The following KIAA1671 variants were observed in gnomAD, a reference collection of about 807,000 sequenced individuals.
The protein encoded by KIAA1671 is uncharacterized protein KIAA1671.
In KIAA1671, 52 loss-of-function variants were observed where a neutral mutation model predicts 131.2. The ratio of observed to expected loss-of-function variants is 0.40; its 90% CI spans 0.32 to 0.50. KIAA1671 has a LOEUF of 0.50. KIAA1671 is among the 20% of genes least tolerant of loss of function. KIAA1671 has a pLI of 0.73. For synonymous variants in KIAA1671, 1,003 were observed against 961.6 expected, an observed-to-expected ratio of 1.04 and a Z score of -0.80; for missense variants, 2,360 against 2,364.2, an observed-to-expected ratio of 1.00 and a Z score of 0.04.
At position 25,039,877 on chromosome 22, in the gene KIAA1671, C is replaced by T; in HGVS notation, c.2747C>T (p.Ala916Val). Residue 916 changes from alanine (A) to valine (V), a missense_variant, in exon 5 of 13, where the codon GCC becomes GTC. Physicochemically the swap from Ala to Val is moderately conservative, Grantham distance 64. This residue lies in a region of KIAA1671 where 1,161 missense variants were observed against 1,204.7 expected (regional missense o/e 0.96). Transcript: ENST00000358431. ...FAVQKGPFIV[A>V]AREGDPGPAQ... ...GTGCAGAAAGGGCCCTTCATTGTAG[C>T]CGCCAGGGAGGGTGATCCAGGGCCG... 6.4e-7 allele frequency: 1 copy of T among 1,551,440 alleles called. No homozygotes were observed.
chr22:25,103,887 T>G (rs2074416725), intron 6 of KIAA1671, among the ~76,000 whole-genome samples: 1 of 152,220 alleles, frequency 6.6e-6, no homozygotes, highest in South Asian at 2.1e-4. Flanking sequence ...TTTTGAGGGT[T>G]AATGAGGTGA....
intron 1 of KIAA1671, among the ~76,000 whole-genome samples, chr22:25,020,107 C>T (rs202084324): frequency 0.013 from 1,950 of 152,186 alleles, 38 homozygotes; most frequent in South Asian, 0.038. Flanking sequence ...GTGTTTTGCC[C>T]GGGGTGAGGG....
intron 1 of KIAA1671, among the ~76,000 whole-genome samples, chr22:24,987,332 G>A (rs889695905): frequency 1.1e-4 from 17 of 151,730 alleles, no homozygotes; most frequent in Non-Finnish European, 2.4e-4. Flanking sequence ...CACCATGCCC[G>A]GCTAATTTTT....
intron 6 of KIAA1671, among the ~76,000 whole-genome samples, chr22:25,126,730 C>T (rs1393229460): frequency 6.6e-6 from 1 of 152,166 alleles, no homozygotes; most frequent in East Asian, 1.9e-4. Context: ...ATGACAGACA[C>T]AGGACTGGAG....
At chr22:25,174,219 C>T (rs1168903276) in intron 7 of KIAA1671, 21 bp from the exon 8 acceptor site, 2 of 1,550,930 alleles carry the variant, frequency 1.3e-6, no homozygotes, top group Non-Finnish European at 1.7e-6. Flanking sequence ...CCATGTCTCC[C>T]TTCATTCCCT....
chr22:25,116,429 A>ACG (rs200509379), intron 6 of KIAA1671, among the ~76,000 whole-genome samples: 9,734 of 146,128 alleles, frequency 0.067, 1,077 homozygotes, highest in African/African-American at 0.23. Context: ...GTATGTATGT[A>ACG]TGTACGTATT....
chr22:25,032,576 G>T, intron 3 of KIAA1671, 33 bp from the exon 4 acceptor site: 4 of 1,421,122 alleles, frequency 2.8e-6, no homozygotes, highest in Non-Finnish European at 3.9e-6. Flanking sequence ...ACAGCTTCCA[G>T]CTCCATGAAG....
intron 6 of KIAA1671, among the ~76,000 whole-genome samples, chr22:25,081,800 A>G (rs889771134): frequency 6.6e-6 from 1 of 152,118 alleles, no homozygotes; most frequent in African/African-American, 2.4e-5. Flanking sequence ...TCAGGAGAGA[A>G]TAGTGTGGAG....
At chr22:25,020,814 G>A (rs747208874) in intron 1 of KIAA1671, among the ~76,000 whole-genome samples, 4 of 152,316 alleles carry the variant, frequency 2.6e-5, no homozygotes, top group South Asian at 2.1e-4. Flanking sequence ...GCTGAAGTAC[G>A]TGAGTGTCTG....
chr22:25,116,657 G>A (rs1261749617), intron 6 of KIAA1671, among the ~76,000 whole-genome samples: 3 of 151,966 alleles, frequency 2.0e-5, no homozygotes, highest in Non-Finnish European at 1.5e-5. Context: ...CTGGCCTCAG[G>A]TGATCCACCC....
chr22:25,137,956 C>T (rs973818866), intron 6 of KIAA1671, among the ~76,000 whole-genome samples: 1 of 152,190 alleles, frequency 6.6e-6, no homozygotes, highest in African/African-American at 2.4e-5. Context: ...AAAAGTTCCT[C>T]CACTTAAATA....
At chr22:25,073,906 C>T (rs1347925404) in intron 6 of KIAA1671, among the ~76,000 whole-genome samples, 1 of 152,188 alleles carries the variant, frequency 6.6e-6, no homozygotes, top group Non-Finnish European at 1.5e-5. Flanking sequence ...ATTGGTCAGG[C>T]TGGTCTCAAA....
At chr22:25,003,721 A>G (rs1463308711) in intron 1 of KIAA1671, among the ~76,000 whole-genome samples, 1 of 146,320 alleles carries the variant, frequency 6.8e-6, no homozygotes, top group Non-Finnish European at 1.5e-5. Flanking sequence ...CCACTTGGAG[A>G]TAATTTTTGT....
intron 6 of KIAA1671, among the ~76,000 whole-genome samples, chr22:25,088,578 AG>A (rs1929857322): frequency 6.6e-6 from 1 of 152,240 alleles, no homozygotes; most frequent in Non-Finnish European, 1.5e-5. Flanking sequence ...CACACACTGG[AG>A]GGAATTTAAG....
chr22:25,107,510 T>C (rs1931079490), intron 6 of KIAA1671, among the ~76,000 whole-genome samples: 1 of 122,124 alleles, frequency 8.2e-6, no homozygotes, highest in Admixed American at 9.8e-5. Context: ...GTTCTCACTC[T>C]GTTGCCCGGG....
chr22:25,015,903 A>G (rs2123882898), intron 1 of KIAA1671, among the ~76,000 whole-genome samples: 1 of 152,246 alleles, frequency 6.6e-6, no homozygotes, highest in Admixed American at 6.5e-5. Flanking sequence ...AACAGTACAC[A>G]CTCCGTACGA....
intron 6 of KIAA1671, chr22:25,103,053 TGAA>T (rs1930776688): frequency 6.6e-6 from 1 of 152,340 alleles, no homozygotes; most frequent in African/African-American, 2.4e-5. Flanking sequence ...CAAGCCCTTC[TGAA>T]GGCTTTTCCT....
chr22:25,149,160 G>T (rs898228822), intron 6 of KIAA1671, among the ~76,000 whole-genome samples: 1 of 152,144 alleles, frequency 6.6e-6, no homozygotes, highest in African/African-American at 2.4e-5. Flanking sequence ...TGCTCACCTC[G>T]ACTCTGGACA....
At chr22:25,037,619 A>G (rs1023112395) in intron 4 of KIAA1671, among the ~76,000 whole-genome samples, 20 of 152,052 alleles carry the variant, frequency 1.3e-4, no homozygotes, top group East Asian at 3.8e-4. Context: ...AGAATCTTCT[A>G]TCACCTCAAA....
Sources: allele counts gnomAD v4.1 joint callset (sites outside exome capture counted in the v4.1 genomes callset), GRCh38; gene constraint gnomAD v4.1.1; regional missense constraint gnomAD v4.1.1; transcripts MANE v1.5; gene names NCBI Gene and HGNC (gene_info 2026-07-23, HGNC 2026-07-21).